ARPP21: variants seen among roughly 807,000 people sequenced by gnomAD.
ARPP21 encodes cAMP-regulated phosphoprotein 21.
A neutral mutation model predicts 113.2 loss-of-function variants in ARPP21; 69 were observed. The observed-to-expected ratio is 0.61, with a 90% CI of 0.50 to 0.74. The LOEUF is 0.74. ARPP21 is among the 30% of genes least tolerant of loss of function. The pLI is 0.00. For synonymous variants in ARPP21, 368 were observed against 375.5 expected (o/e 0.98, Z 0.23); for missense variants, 1,070 against 1,037.4 (o/e 1.03, Z -0.43).
In ARPP21 at chr3:35,663,073, T is replaced by C. The variant is rs116616603; in HGVS notation, c.-212-16714T>C. ...CTCAGGCGATGGACACCCTAAATAC[T>C]CTGACTTTATCACTATGTATTGTAT... is the stretch of plus-strand genomic sequence containing the variant. On this transcript the variant is annotated intron_variant, in intron 1 of 20. Transcript: ENST00000684406. 5.7e-3 allele frequency among the ~76,000 whole-genome samples: 869 copies of C among 152,234 alleles called. 11 individuals carry two copies. Among genetic ancestry groups the C allele is most frequent in the Middle Eastern group, 0.027 (8 of 294 alleles).
intron 19 of ARPP21, among the ~76,000 whole-genome samples, chr3:35,757,740 G>T (rs1379638906): frequency 6.6e-6 from 1 of 152,014 alleles, no homozygotes; most frequent in Non-Finnish European, 1.5e-5. Flanking sequence ...TTCTGCCTTT[G>T]AGCCTATGTA....
intron 1 of ARPP21, among the ~76,000 whole-genome samples, chr3:35,647,676 C>T (rs923450183): frequency 6.6e-6 from 1 of 152,126 alleles, no homozygotes; most frequent in African/African-American, 2.4e-5. Flanking sequence ...TGAATTGGTG[C>T]GTGGTACTGG....
In ARPP21 at chr3:35,785,351, T is replaced by G. The variant is rs2096607699; in HGVS notation, c.2138-7031T>G. ...CTCTCTGGATGTCAGCACAGCACTA[T>G]GGGCCAGGAAAGTTCAGAGAATTAC... On this transcript the variant is annotated intron_variant, in intron 19 of 20. Transcript: ENST00000684406. The G allele has an allele frequency of 2.6e-5, 4 of 152,178 alleles. 1 individual carries two copies. In the South Asian group the frequency reaches 8.3e-4, roughly 32 times the overall value. 9.4% of individuals were successfully genotyped at this position (152,178 alleles called of 1,614,324 possible).
chr3:35,682,818 A>G (rs780738296), intron 3 of ARPP21, 30 bp from the exon 4 acceptor site: 5 of 1,584,584 alleles, frequency 3.2e-6, no homozygotes, highest in Non-Finnish European at 3.4e-6. Flanking sequence ...GTTTTATTTT[A>G]TTTTGTTTTA....
At chr3:35,742,788 G>A (rs1338215871) in intron 18 of ARPP21, among the ~76,000 whole-genome samples, 2 of 152,202 alleles carry the variant, frequency 1.3e-5, no homozygotes, top group African/African-American at 4.8e-5. Context: ...TTTATCCTAT[G>A]TATATAATGT....
chr3:35,650,925 C>A (rs1008365378), intron 1 of ARPP21, among the ~76,000 whole-genome samples: 7 of 151,876 alleles, frequency 4.6e-5, no homozygotes, highest in Admixed American at 1.3e-4. Flanking sequence ...AACCAGCCTA[C>A]GTATTTAGAA....
chr3:35,746,981 T>G (rs901220165), intron 19 of ARPP21, among the ~76,000 whole-genome samples: 1 of 152,112 alleles, frequency 6.6e-6, no homozygotes, highest in Non-Finnish European at 1.5e-5. Flanking sequence ...GTACTCTTCA[T>G]CCGATCAGCA....
chr3:35,656,686 T>C (rs966084505), intron 1 of ARPP21, among the ~76,000 whole-genome samples: 21 of 151,734 alleles, frequency 1.4e-4, no homozygotes, highest in African/African-American at 4.6e-4. Context: ...TGTAAAGGGG[T>C]CGTATGAGGA....
At chr3:35,695,395 G>A (rs768262904) in intron 9 of ARPP21, among the ~76,000 whole-genome samples, 3 of 151,420 alleles carry the variant, frequency 2.0e-5, no homozygotes, top group East Asian at 1.9e-4. Context: ...CTTCGGTGGC[G>A]GTGGTCACAC....
At chr3:35,770,225 A>C (rs2096149222) in intron 19 of ARPP21, among the ~76,000 whole-genome samples, 1 of 152,216 alleles carries the variant, frequency 6.6e-6, no homozygotes, top group Non-Finnish European at 1.5e-5. Flanking sequence ...TATAGAAAGA[A>C]CATCTTAGTT....
chr3:35,640,606 GA>G (rs1396796132), intron 1 of ARPP21, among the ~76,000 whole-genome samples: 2 of 152,126 alleles, frequency 1.3e-5, no homozygotes, highest in Non-Finnish European at 2.9e-5. Context: ...CCTTCCCCCA[GA>G]AAAGACAGAA....
intron 9 of ARPP21, among the ~76,000 whole-genome samples, chr3:35,696,445 C>G (rs902500378): frequency 3.3e-5 from 5 of 151,486 alleles, no homozygotes; most frequent in Non-Finnish European, 5.9e-5. Context: ...TCCAACTACA[C>G]TTTTTGGTCT....
chr3:35,782,017 C>A (rs1486560019), intron 19 of ARPP21, among the ~76,000 whole-genome samples: 1 of 152,096 alleles, frequency 6.6e-6, no homozygotes, highest in African/African-American at 2.4e-5. Context: ...TTTTTTATGG[C>A]ATTCTGAAAT....
intron 9 of ARPP21, 41 bp downstream of exon 9, chr3:35,691,046 T>A: frequency 6.4e-7 from 1 of 1,566,866 alleles, no homozygotes; most frequent in East Asian, 2.3e-5. Flanking sequence ...TTTCTTTTTC[T>A]CCTATGGATT....
chr3:35,709,215 G>A, intron 11 of ARPP21, 145 bp downstream of exon 11: 1 of 636,964 alleles, frequency 1.6e-6, no homozygotes, highest in Non-Finnish European at 2.7e-6. Flanking sequence ...AGGTGATTTT[G>A]GAAGAGGATC....
intron 9 of ARPP21, among the ~76,000 whole-genome samples, chr3:35,694,141 A>G (rs1056066736): frequency 6.6e-6 from 1 of 151,618 alleles, no homozygotes; most frequent in Non-Finnish European, 1.5e-5. Context: ...CAGGTTAAGT[A>G]ACTATAGAAT....
At chr3:35,722,225 C>A (rs1429220093) in intron 14 of ARPP21, among the ~76,000 whole-genome samples, 1 of 152,082 alleles carries the variant, frequency 6.6e-6, no homozygotes, top group Non-Finnish European at 1.5e-5. Flanking sequence ...ACAGTAACTA[C>A]CTAGCAAAAG....
At chr3:35,715,557 C>T (rs2150171200) in intron 12 of ARPP21, 81 bp downstream of exon 12, 1 of 1,127,616 alleles carries the variant, frequency 8.9e-7, no homozygotes, top group Non-Finnish European at 1.3e-6. Context: ...AATATATATC[C>T]CATATATGTG....
Position 35,681,708 on chromosome 3 carries a change from T to G in ARPP21, c.-38-6T>G. The G allele has an allele frequency of 1.3e-6, 2 of 1,551,888 alleles. No homozygotes were observed. Among genetic ancestry groups the G allele is most frequent in the Non-Finnish European group, 1.8e-6 (2 of 1,127,782 alleles). ...GACTTTATTTTCTGATATCTTAACC[T>G]TCTAGGGCATAAAATCTTGTTATTT... On this transcript the variant is annotated splice_polypyrimidine_tract_variant and splice_region_variant and intron_variant, in intron 2 of 20. Transcript: ENST00000684406.
Sources: allele counts gnomAD v4.1 joint callset (sites outside exome capture counted in the v4.1 genomes callset), GRCh38; gene constraint gnomAD v4.1.1; transcripts MANE v1.5; gene names NCBI Gene and HGNC (gene_info 2026-07-23, HGNC 2026-07-21).